The following GDF5 variants were observed in gnomAD, a reference collection of about 807,000 sequenced individuals.
GDF5 encodes the protein growth/differentiation factor 5.
In GDF5, 17 loss-of-function variants were observed where a neutral mutation model predicts 34.6. The observed-to-expected ratio is 0.49, with a 90% CI of 0.34 to 0.74. GDF5 has a LOEUF of 0.74. GDF5 is among the 30% of genes least tolerant of loss of function. The pLI is 0.01. For missense variants in GDF5, 616 were observed against 661.2 expected (o/e 0.93, Z 0.75); for synonymous variants, 332 against 290.7 (o/e 1.14, Z -1.44).
intron 1 of GDF5, chr20:35,454,220 G>A (rs998879014): frequency 8.5e-6 from 3 of 352,804 alleles, no homozygotes; most frequent in African/African-American, 2.2e-5. Context: ...TTGGGAGGCC[G>A]AGGCGGGAGG....
chr20:35,434,953 G>A (rs766008898), intron 1 of GDF5, 170 bp from the exon 2 acceptor site: 17 of 765,774 alleles, frequency 2.2e-5, no homozygotes, highest in Non-Finnish European at 4.0e-5. Flanking sequence ...TTTTGAAAAT[G>A]AGAGCATTTC....
At chr20:35,437,237 C>T (rs1435923417) in intron 1 of GDF5, 61 bp downstream of exon 1, 3 of 1,210,020 alleles carry the variant, frequency 2.5e-6, no homozygotes, top group South Asian at 1.3e-5. Context: ...CTTTGAAAGC[C>T]CCTCCATTCA....
chr20:35,447,403 C>T (rs956538636), intron 1 of GDF5, among the ~76,000 whole-genome samples: 6 of 152,220 alleles, frequency 3.9e-5, no homozygotes, highest in African/African-American at 1.4e-4. Context: ...TACTCGGGAG[C>T]TGCACCTTGC....
rs1601074882 is a variant in GDF5 at position 35,437,747 on chromosome 20, C to T, written c.182G>A (p.Gly61Glu). ...GGCCCCCCCACCATAGCTGTGACCC[C>T]CTGGCCTGAAGACGTTCCGGGCCAG... Reference protein sequence around the residue: ...PPLARNVFRPGGHSYGGGATN... With the variant: ...PPLARNVFRPEGHSYGGGATN... The change falls in exon 1 of 2, where the codon GGG becomes GAG. Residue 61 changes from glycine to glutamate, a missense_variant. Transcript: ENST00000374369. 9 of 1,613,086 alleles carry T rather than the reference C, an allele frequency of 5.6e-6. No individual in the cohort carries two copies. In the East Asian group the frequency reaches 2.0e-4, roughly 36 times the overall value.
chr20:35,452,947 G>A (rs532294083), intron 1 of GDF5, among the ~76,000 whole-genome samples: 1 of 152,210 alleles, frequency 6.6e-6, no homozygotes, highest in South Asian at 2.1e-4. Flanking sequence ...AATGGAAAGT[G>A]CTATGAAAGA....
chr20:35,433,645 C>A lies in GDF5; in HGVS notation c.*264G>T. The A allele has an allele frequency of 1.9e-6, 1 of 531,894 alleles. No homozygotes were observed. The allele number at this position is 531,894 out of a possible 1,614,324, so 32.9% of individuals were successfully genotyped here. On this transcript the variant is annotated 3_prime_UTR_variant, in exon 2 of 2. Transcript: ENST00000374369. ...AAGCACTGTTTCCTGGGACTCAGTCCCATTCAGAGTCTGTCTCCCTGGACC... is the reference window on the plus strand; with the variant it reads ...AAGCACTGTTTCCTGGGACTCAGTCACATTCAGAGTCTGTCTCCCTGGACC...
chr20:35,443,501 G>GATGATT (rs1555824127), intron 1 of GDF5, among the ~76,000 whole-genome samples: 3 of 150,024 alleles, frequency 2.0e-5, no homozygotes, highest in Non-Finnish European at 3.0e-5. Flanking sequence ...CAGTTGGCCA[G>GATGATT]ATTATTATTA....
chr20:35,443,927 A>G (rs1275996146), intron 1 of GDF5, among the ~76,000 whole-genome samples: 1 of 152,132 alleles, frequency 6.6e-6, no homozygotes, highest in Non-Finnish European at 1.5e-5. Flanking sequence ...ATGGCTTCCC[A>G]TTCATGATGC....
upstream of GDF5, among the ~76,000 whole-genome samples, chr20:35,439,053 A>T (rs576846098): frequency 1.3e-5 from 2 of 151,954 alleles, no homozygotes; most frequent in East Asian, 3.9e-4. Context: ...GACTGAGTGC[A>T]TATTCTTCAG....
At chr20:35,452,354 C>T (rs748113195) in intron 1 of GDF5, among the ~76,000 whole-genome samples, 2 of 152,084 alleles carry the variant, frequency 1.3e-5, no homozygotes, top group Non-Finnish European at 2.9e-5. Context: ...GGAATGAATC[C>T]CCCTTTACAA....
chr20:35,446,184 C>G (rs916446376), intron 1 of GDF5, among the ~76,000 whole-genome samples: 1 of 148,886 alleles, frequency 6.7e-6, no homozygotes, highest in Admixed American at 6.8e-5. Context: ...GTGGCAGGCA[C>G]CTGTAATTCC....
At position 35,437,455 on chromosome 20, in the gene GDF5, G is replaced by A. The variant is rs1191613727; in HGVS notation, c.474C>T (p.Pro158=). Reference sequence around the variant, plus strand: ...TGGGGGGTGGGCGAAACGGCTCCTTGGGCTCTCGTGGGGGCCCGGGCTCCC... The same window carrying A: ...TGGGGGGTGGGCGAAACGGCTCCTTAGGCTCTCGTGGGGGCCCGGGCTCCC... ...KAREPGPPRE[P]KEPFRPPPIT... Residue 158 remains proline, a synonymous_variant, in exon 1 of 2, where the codon CCC becomes CCT. Transcript: ENST00000374369. 1.9e-6 allele frequency: 3 copies of A among 1,613,924 alleles called. No homozygotes were observed. The highest frequency in any genetic ancestry group is 2.7e-5 in the African/African-American group (2 of 74,898).
At chr20:35,440,266 A>T (rs1186729622), upstream of GDF5, among the ~76,000 whole-genome samples, 1 of 149,588 alleles carries the variant, frequency 6.7e-6, no homozygotes, top group Non-Finnish European at 1.5e-5. Flanking sequence ...AGATCGCACC[A>T]CTGCACTCCA....
intron 1 of GDF5, among the ~76,000 whole-genome samples, chr20:35,449,378 C>T (rs531132902): frequency 3.9e-5 from 6 of 152,124 alleles, no homozygotes; most frequent in African/African-American, 7.2e-5. Flanking sequence ...TGGGCTCAAG[C>T]GATCCTTCCT....
rs532062330 is a variant in GDF5, at chr20:35,453,772, T to C, written c.-398+868A>G. ...TAAGCGTTCCTTTCTCAGGTTACCTTTGGCTGTGGATTAACCTGAAGCCTT... is the reference window on the plus strand; with the variant it reads ...TAAGCGTTCCTTTCTCAGGTTACCTCTGGCTGTGGATTAACCTGAAGCCTT... On this transcript the variant is annotated intron_variant, in intron 1 of 3. Transcript: ENST00000374372. 2.1e-3 allele frequency among the ~76,000 whole-genome samples: 320 copies of C among 152,364 alleles called. 4 individuals carry two copies. The highest frequency in any genetic ancestry group is 6.8e-3 in the African/African-American group (284 of 41,596).
intron 1 of GDF5, among the ~76,000 whole-genome samples, chr20:35,446,853 C>A (rs1029813563): frequency 2.0e-5 from 3 of 152,042 alleles, no homozygotes; most frequent in Admixed American, 6.6e-5. Flanking sequence ...AGCCCAGAGT[C>A]CCTTCCCTTT....
chr20:35,435,754 ATG>A lies in GDF5; in HGVS notation c.632-973_632-972del, dbSNP rs370560398. On this transcript the variant is annotated intron_variant, in intron 1 of 1. Coordinates refer to ENST00000374369, the MANE Select transcript of GDF5 (RefSeq NM_000557.5). ...GCCTATGTGTCTTACTCTCCTGAGC[ATG>A]TGTGTGTGTTACAGTTGTATGCATG... 9.9e-5 allele frequency among the ~76,000 whole-genome samples: 15 copies of A among 152,220 alleles called. 1 individual carries two copies. Among genetic ancestry groups the A allele is most frequent in the South Asian group, 6.2e-4 (3 of 4,822 alleles).
At chr20:35,444,265 A>C (rs1446798999) in intron 1 of GDF5, among the ~76,000 whole-genome samples, 1 of 152,214 alleles carries the variant, frequency 6.6e-6, no homozygotes, top group Non-Finnish European at 1.5e-5. Context: ...GAGAATGCTA[A>C]GTGCTGTGAA....
In GDF5 at chr20:35,437,758, G is replaced by C; in HGVS notation, c.171C>G (p.Val57=). 1 of 1,612,590 alleles carries C rather than the reference G, an allele frequency of 6.2e-7. No individual in the cohort carries two copies. Among genetic ancestry groups the C allele is most frequent in the Non-Finnish European group, 8.5e-7 (1 of 1,179,248 alleles). The change falls in exon 1 of 2, where the codon GTC becomes GTG. Residue 57 remains valine (V), a synonymous_variant. Coordinates refer to ENST00000374369, the MANE Select transcript of GDF5 (RefSeq NM_000557.5). The stretch of plus-strand genomic sequence containing the variant: ...CATAGCTGTGACCCCCTGGCCTGAA[G>C]ACGTTCCGGGCCAGGGGGGGCCTCT... The part of the protein sequence containing the change: ...AKERPPLARN[V]FRPGGHSYGG...
Sources: allele counts gnomAD v4.1 joint callset (sites outside exome capture counted in the v4.1 genomes callset), GRCh38; gene constraint gnomAD v4.1.1; transcripts MANE v1.5; gene names NCBI Gene and HGNC (gene_info 2026-07-23, HGNC 2026-07-21).